The following MYO5B variants were observed in gnomAD, a reference collection of about 807,000 sequenced individuals.
MYO5B encodes unconventional myosin-Vb.
Under a neutral mutation model 229.3 loss-of-function variants are expected in MYO5B, and 143 were observed. That is an observed-to-expected ratio of 0.62 (90% CI 0.54 to 0.72). MYO5B has a LOEUF of 0.72. MYO5B is among the 30% of genes least tolerant of loss of function. MYO5B has a pLI of 0.00. For synonymous variants in MYO5B, 918 were observed against 885.2 expected (o/e 1.04, Z -0.66); for missense variants, 2,321 against 2,331.0 (o/e 1.00, Z 0.09).
At chr18:49,957,935 C>A (rs114366428) in intron 12 of MYO5B, among the ~76,000 whole-genome samples, 1,804 of 152,260 alleles carry the variant, frequency 0.012, 49 homozygotes, top group African/African-American at 0.041. Context: ...AGCTGGCCCC[C>A]CCCAGGACTC....
At chr18:49,938,453 AGGAG>A (rs2144215244) in intron 14 of MYO5B, among the ~76,000 whole-genome samples, 1 of 152,188 alleles carries the variant, frequency 6.6e-6, no homozygotes, top group East Asian at 1.9e-4. Flanking sequence ...TTGGGGGAAA[AGGAG>A]GGAGGGAAAA....
chr18:49,878,085 A>G (rs551999479), intron 24 of MYO5B, among the ~76,000 whole-genome samples: 2 of 152,242 alleles, frequency 1.3e-5, no homozygotes, highest in South Asian at 2.1e-4. Context: ...TCCACTTTTC[A>G]TCTCTTAATG....
chr18:49,983,282 C>T (rs2025836118), intron 8 of MYO5B, among the ~76,000 whole-genome samples: 1 of 152,242 alleles, frequency 6.6e-6, no homozygotes. Context: ...AATTCCCTTT[C>T]TGGTTCTGGT....
rs576368745 is a variant in MYO5B, at chr18:49,865,333, C to T, written c.3604-953G>A. On this transcript the variant is annotated intron_variant, in intron 27 of 39. Coordinates refer to ENST00000285039, the MANE Select transcript of MYO5B (RefSeq NM_001080467.3). ...GGTCCAGGGCGCCCCTGTGACTCCA[C>T]CATATATGTGGTGATTTCCAGAAGA... Among the ~76,000 whole-genome samples the T allele has an allele frequency of 3.3e-5, 5 of 152,264 alleles. No homozygotes were observed. The South Asian group carries it at 6.2e-4, about 19-fold the overall frequency.
At chr18:49,969,095 CTG>C (rs1357327460) in intron 10 of MYO5B, among the ~76,000 whole-genome samples, 3 of 152,180 alleles carry the variant, frequency 2.0e-5, no homozygotes, top group Non-Finnish European at 4.4e-5. Context: ...TTTGAGAACA[CTG>C]TGGCTAGCCA....
At chr18:50,158,911 C>T (rs2032722676) in intron 1 of MYO5B, among the ~76,000 whole-genome samples, 1 of 152,156 alleles carries the variant, frequency 6.6e-6, no homozygotes, top group Non-Finnish European at 1.5e-5. Context: ...CTAGATTAAA[C>T]ATGAATCTAC....
intron 1 of MYO5B, among the ~76,000 whole-genome samples, chr18:50,089,690 T>C (rs998222076): frequency 3.3e-5 from 5 of 152,194 alleles, no homozygotes; most frequent in African/African-American, 1.2e-4. Flanking sequence ...AAAGAGGTCC[T>C]TGGGAAGTTT....
intron 1 of MYO5B, among the ~76,000 whole-genome samples, chr18:50,168,410 T>A (rs2032883749): frequency 1.3e-5 from 2 of 152,278 alleles, no homozygotes; most frequent in African/African-American, 4.8e-5. Flanking sequence ...AGGCTGTCTC[T>A]TCCATGAATA....
chr18:50,124,632 A>C (rs1487084716), intron 1 of MYO5B, among the ~76,000 whole-genome samples: 1 of 152,204 alleles, frequency 6.6e-6, no homozygotes, highest in Non-Finnish European at 1.5e-5. Context: ...TAGCCTGCAT[A>C]GAATCCCTGT....
chr18:50,021,514 G>A (rs1250976383), intron 4 of MYO5B, among the ~76,000 whole-genome samples: 1 of 152,140 alleles, frequency 6.6e-6, no homozygotes, highest in East Asian at 1.9e-4. Flanking sequence ...CATGAGGCAA[G>A]AGAGAGAAAA....
At chr18:50,077,215 G>A (rs2031104265) in intron 1 of MYO5B, among the ~76,000 whole-genome samples, 1 of 140,948 alleles carries the variant, frequency 7.1e-6, no homozygotes, top group Non-Finnish European at 1.5e-5. Flanking sequence ...TCAGTGACTT[G>A]AATTCTTATT....
chr18:50,067,495 C>T (rs1427841543), intron 1 of MYO5B, among the ~76,000 whole-genome samples: 1 of 152,158 alleles, frequency 6.6e-6, no homozygotes, highest in Non-Finnish European at 1.5e-5. Flanking sequence ...CTCCAAATCT[C>T]ATGTTGAAAT....
At chr18:49,913,854 A>C (rs2024984087) in intron 17 of MYO5B, among the ~76,000 whole-genome samples, 1 of 152,040 alleles carries the variant, frequency 6.6e-6, no homozygotes, top group South Asian at 2.1e-4. Flanking sequence ...GCACGACAGA[A>C]AGAGAGAAGA....
At position 49,953,894 on chromosome 18, in the gene MYO5B, ATGTGTGTGTG is replaced by A. The variant is rs71169463; in HGVS notation, c.1668+409_1668+418del. Among the ~76,000 whole-genome samples the A allele has an allele frequency of 4.6e-3, 495 of 108,546 alleles. 7 individuals are homozygous for A. Among genetic ancestry groups the A allele is most frequent in the African/African-American group, 0.012 (388 of 33,300 alleles). 71.2% of individuals were successfully genotyped at this position (108,546 alleles called of 152,430 possible). A position where few individuals can be genotyped will look rare whatever the true frequency, so the allele number is the denominator to read the frequency against. On this transcript the variant is annotated intron_variant, in intron 13 of 39. Coordinates refer to ENST00000285039, the MANE Select transcript of MYO5B (RefSeq NM_001080467.3). Reference sequence around the variant, plus strand: ...TGCTTTAGAATTTATATATACATATATGTGTGTGTGTGTGTGTGTGTGTGTGTGTGTGTGT... The same window carrying A: ...TGCTTTAGAATTTATATATACATATATGTGTGTGTGTGTGTGTGTGTGTGT...
chr18:49,966,125 AG>A (rs1464035557), intron 10 of MYO5B, among the ~76,000 whole-genome samples: 1 of 152,112 alleles, frequency 6.6e-6, no homozygotes, highest in Non-Finnish European at 1.5e-5. Flanking sequence ...CCACAGATAG[AG>A]GCATCAGATA....
intron 29 of MYO5B, among the ~76,000 whole-genome samples, chr18:49,862,397 G>T (rs2024342144): frequency 6.6e-6 from 1 of 152,198 alleles, no homozygotes. Context: ...ACCACAGGCA[G>T]GCACTGTCCT....
chr18:49,929,589 T>C lies in MYO5B; in HGVS notation c.2013A>G (p.Pro671=). 1.3e-6 allele frequency: 2 copies of C among 1,589,254 alleles called. No individual in the cohort carries two copies. The highest frequency in any genetic ancestry group is 1.7e-6 in the Non-Finnish European group (2 of 1,173,190). Residue 671 remains proline (P), a synonymous_variant, in exon 17 of 40, where the codon CCA becomes CCG. Transcript: ENST00000285039. ...CTCTGAGTTGCTGCACTGCTCTCTT[T>C]GGGTCAAAGCTGCCAAAGGAGAAAA... ...NDEKLPFHFD[P]KRAVQQLRAC...
intron 1 of MYO5B, among the ~76,000 whole-genome samples, chr18:50,167,482 G>GATA (rs753496178): frequency 2.0e-5 from 3 of 152,302 alleles, no homozygotes; most frequent in Admixed American, 6.5e-5. Context: ...CTTCAATGTA[G>GATA]ATAGGATTGA....
intron 1 of MYO5B, among the ~76,000 whole-genome samples, chr18:50,113,917 A>T (rs1477322878): frequency 6.6e-6 from 1 of 152,156 alleles, no homozygotes; most frequent in Non-Finnish European, 1.5e-5. Context: ...CACACAATTA[A>T]CTCATTTTAT....
Sources: allele counts gnomAD v4.1 joint callset (sites outside exome capture counted in the v4.1 genomes callset), GRCh38; gene constraint gnomAD v4.1.1; transcripts MANE v1.5; gene names NCBI Gene and HGNC (gene_info 2026-07-23, HGNC 2026-07-21).